CNTN5: variants seen among roughly 807,000 people sequenced by gnomAD.
CNTN5 encodes the protein contactin-5.
A neutral mutation model predicts 129.1 loss-of-function variants in CNTN5; 77 were observed. The observed-to-expected ratio is 0.60, with a 90% confidence interval of 0.50 to 0.72. The LOEUF is 0.72. Ranked by LOEUF, CNTN5 falls within the 30% of genes least tolerant of loss-of-function variation. CNTN5 has a pLI of 0.00. For synonymous variants in CNTN5, 509 were observed against 465.6 expected (o/e 1.09, Z -1.20); for missense variants, 1,478 against 1,328.8 (o/e 1.11, Z -1.75).
intron 1 of CNTN5, among the ~76,000 whole-genome samples, chr11:99,324,541 G>A (rs1035727337): frequency 2.5e-4 from 38 of 152,202 alleles, no homozygotes; most frequent in African/African-American, 6.7e-4. Flanking sequence ...GGGTAGCTAC[G>A]CTAGGTTTTC....
intron 1 of CNTN5, among the ~76,000 whole-genome samples, chr11:99,246,408 C>T (rs1454425484): frequency 2.0e-5 from 3 of 152,100 alleles, no homozygotes; most frequent in East Asian, 1.9e-4. Flanking sequence ...TCAAGTTGGC[C>T]TCAGTACCAG....
At chr11:99,696,622 ATTCT>A (rs1954280611) in intron 3 of CNTN5, among the ~76,000 whole-genome samples, 2 of 150,482 alleles carry the variant, frequency 1.3e-5, no homozygotes, top group African/African-American at 4.9e-5. Context: ...ATCAGTAGTC[ATTCT>A]TTTTTTTTTT....
intron 23 of CNTN5, among the ~76,000 whole-genome samples, chr11:100,342,433 G>T (rs557987889): frequency 6.6e-6 from 1 of 152,192 alleles, no homozygotes; most frequent in South Asian, 2.1e-4. Context: ...AACTGGAGAG[G>T]CAAAGTAGAA....
At chr11:100,259,087 A>T (rs1248930891) in intron 17 of CNTN5, among the ~76,000 whole-genome samples, 1 of 152,172 alleles carries the variant, frequency 6.6e-6, no homozygotes, top group Non-Finnish European at 1.5e-5. Flanking sequence ...CTCAAAATAA[A>T]GGGATGGAGA....
intron 3 of CNTN5, among the ~76,000 whole-genome samples, chr11:99,600,852 A>C (rs989079281): frequency 2.2e-4 from 34 of 152,202 alleles, no homozygotes; most frequent in Admixed American, 6.5e-4. Context: ...CATTTTCAAG[A>C]AGCTCAAAGG....
chr11:100,064,576 C>A (rs567240706), intron 10 of CNTN5, among the ~76,000 whole-genome samples: 1 of 151,926 alleles, frequency 6.6e-6, no homozygotes, highest in Non-Finnish European at 1.5e-5. Flanking sequence ...TAATTTGAAC[C>A]TTAGCATAAA....
At chr11:99,684,234 G>A (rs764788888) in intron 3 of CNTN5, among the ~76,000 whole-genome samples, 5 of 151,698 alleles carry the variant, frequency 3.3e-5, no homozygotes, top group South Asian at 2.1e-4. Flanking sequence ...GTTTTCTATC[G>A]AAAAGTCTAG....
chr11:100,004,053 A>G (rs189393732), intron 9 of CNTN5: 1 of 152,156 alleles, frequency 6.6e-6, no homozygotes, highest in East Asian at 1.9e-4. Context: ...TCATCCCAAC[A>G]TAATCACAGC....
At chr11:99,798,148 C>A (rs1181666395) in intron 3 of CNTN5, among the ~76,000 whole-genome samples, 2 of 151,912 alleles carry the variant, frequency 1.3e-5, no homozygotes, top group East Asian at 1.9e-4. Context: ...ATATGTTTTT[C>A]CCTCAATGTG....
At chr11:99,412,790 T>C (rs1348107567) in intron 2 of CNTN5, among the ~76,000 whole-genome samples, 1 of 152,186 alleles carries the variant, frequency 6.6e-6, no homozygotes, top group Non-Finnish European at 1.5e-5. Flanking sequence ...GTTTGTATTG[T>C]ATTATTGTTT....
intron 8 of CNTN5, among the ~76,000 whole-genome samples, chr11:99,959,700 G>A (rs1197496408): frequency 6.6e-6 from 1 of 152,040 alleles, no homozygotes; most frequent in Non-Finnish European, 1.5e-5. Context: ...TATTTGAGAA[G>A]TACTATATAA....
intron 1 of CNTN5, among the ~76,000 whole-genome samples, chr11:99,244,706 C>A (rs1303695349): frequency 6.6e-6 from 1 of 152,130 alleles, no homozygotes; most frequent in Non-Finnish European, 1.5e-5. Flanking sequence ...TACATACATG[C>A]AAAATCAGAC....
intron 1 of CNTN5, among the ~76,000 whole-genome samples, chr11:99,195,869 A>G (rs996303244): frequency 6.6e-6 from 1 of 151,902 alleles, no homozygotes; most frequent in Admixed American, 6.6e-5. Context: ...TTTATATTTT[A>G]CTTTAACTTA....
intron 15 of CNTN5, among the ~76,000 whole-genome samples, chr11:100,195,428 T>G (rs1197371862): frequency 6.6e-6 from 1 of 151,998 alleles, no homozygotes; most frequent in Non-Finnish European, 1.5e-5. Flanking sequence ...AAATACCTTT[T>G]TTTCCATGAA....
At chr11:99,577,796 TG>T (rs1212180462) in intron 3 of CNTN5, among the ~76,000 whole-genome samples, 2 of 148,424 alleles carry the variant, frequency 1.3e-5, no homozygotes, top group Non-Finnish European at 3.0e-5. Flanking sequence ...ATCTTTATAG[TG>T]AGGAATTAAT....
intron 13 of CNTN5, among the ~76,000 whole-genome samples, chr11:100,078,320 T>G (rs1375349860): frequency 6.6e-6 from 1 of 152,204 alleles, no homozygotes; most frequent in Non-Finnish European, 1.5e-5. Context: ...AAAAATATGA[T>G]TAACAAATTA....
intron 3 of CNTN5, among the ~76,000 whole-genome samples, chr11:99,631,239 A>G (rs1378052584): frequency 3.3e-5 from 5 of 152,250 alleles, no homozygotes; most frequent in Admixed American, 6.5e-5. Flanking sequence ...TTATTAAAAC[A>G]TTTGATTTTT....
intron 2 of CNTN5, among the ~76,000 whole-genome samples, chr11:99,490,211 C>A (rs975265130): frequency 6.6e-6 from 1 of 152,080 alleles, no homozygotes; most frequent in Non-Finnish European, 1.5e-5. Context: ...GAAAGAAGTG[C>A]TAAATTTGAC....
intron 6 of CNTN5, among the ~76,000 whole-genome samples, chr11:99,875,309 C>T (rs556663025): frequency 2.6e-5 from 4 of 151,012 alleles, no homozygotes; most frequent in South Asian, 4.2e-4. Context: ...TCTTTTCATA[C>T]GTTGGTATGA....
Sources: gnomAD v4.1 joint callset for allele counts (sites outside exome capture counted in the v4.1 genomes callset) on GRCh38, gnomAD v4.1.1 for gene constraint, MANE v1.5 for transcripts, NCBI Gene and HGNC (gene_info 2026-07-23, HGNC 2026-07-21) for gene names.